The following NTM variants were observed in gnomAD, a reference collection of about 807,000 sequenced individuals.
NTM encodes the protein IgLON family member 2.
In NTM, 13 loss-of-function variants were observed where a neutral mutation model predicts 42.1. The ratio of observed to expected loss-of-function variants is 0.31; its 90% CI spans 0.20 to 0.49. The LOEUF is 0.49. Ranked by LOEUF, NTM falls within the 20% of genes least tolerant of loss-of-function variation. NTM has a pLI of 0.99. For missense variants in NTM, 373 were observed against 452.8 expected, an observed-to-expected ratio of 0.82 and a Z score of 1.60; for synonymous variants, 187 against 179.2, an observed-to-expected ratio of 1.04 and a Z score of -0.35.
chr11:131,886,231 T>C (rs1483295740), intron 1 of NTM, among the ~76,000 whole-genome samples: 5 of 152,178 alleles, frequency 3.3e-5, no homozygotes, highest in African/African-American at 4.8e-5. Context: ...TGCATCTGTT[T>C]GTAATGGTTC....
At chr11:132,095,039 T>C (rs2060795189) in intron 2 of NTM, among the ~76,000 whole-genome samples, 1 of 152,196 alleles carries the variant, frequency 6.6e-6, no homozygotes, top group Admixed American at 6.5e-5. Context: ...ATTCCTCATG[T>C]GAGCCAGAGG....
At chr11:132,237,011 C>T (rs2089114807) in intron 4 of NTM, among the ~76,000 whole-genome samples, 1 of 147,496 alleles carries the variant, frequency 6.8e-6, no homozygotes, top group Non-Finnish European at 1.5e-5. Flanking sequence ...GAGAGGACCC[C>T]AGTCCTCCAC....
At chr11:131,541,633 G>A (rs894023085) in intron 1 of NTM, among the ~76,000 whole-genome samples, 1 of 152,214 alleles carries the variant, frequency 6.6e-6, no homozygotes, top group Non-Finnish European at 1.5e-5. Context: ...TAGAATAGTT[G>A]CTAGATTGTG....
At chr11:132,284,326 T>TAG (rs1478871204) in intron 4 of NTM, 2 of 152,396 alleles carry the variant, frequency 1.3e-5, no homozygotes, top group East Asian at 3.9e-4. Flanking sequence ...CTGGTTGATT[T>TAG]CTGGGAGGGC....
intron 2 of NTM, among the ~76,000 whole-genome samples, chr11:131,990,351 G>A (rs148171183): frequency 5.9e-5 from 9 of 152,236 alleles, no homozygotes; most frequent in Admixed American, 5.9e-4. Flanking sequence ...AGTAGAGGAT[G>A]CTAGAGAATT....
At chr11:131,779,936 G>A (rs911557742) in intron 1 of NTM, among the ~76,000 whole-genome samples, 2 of 152,252 alleles carry the variant, frequency 1.3e-5, no homozygotes, top group East Asian at 1.9e-4. Context: ...GGAACAGCAC[G>A]GGTGTCACCA....
At chr11:131,490,550 C>A (rs1466480652) in intron 1 of NTM, among the ~76,000 whole-genome samples, 1 of 152,144 alleles carries the variant, frequency 6.6e-6, no homozygotes, top group Admixed American at 6.5e-5. Context: ...GGGTGCGCCT[C>A]TGAAGTTGAA....
At chr11:132,008,979 C>A (rs1331139563) in intron 2 of NTM, among the ~76,000 whole-genome samples, 1 of 151,740 alleles carries the variant, frequency 6.6e-6, no homozygotes, top group Non-Finnish European at 1.5e-5. Flanking sequence ...CAGCAGGACA[C>A]CAAGGCAGAA....
chr11:132,038,218 T>G (rs530289608), intron 2 of NTM, among the ~76,000 whole-genome samples: 80 of 152,338 alleles, frequency 5.3e-4, no homozygotes, highest in Non-Finnish European at 9.3e-4. Flanking sequence ...GAATTTGTTT[T>G]CTCTAGGGGT....
intron 3 of NTM, among the ~76,000 whole-genome samples, chr11:132,179,689 G>A (rs61905990): frequency 0.033 from 5,018 of 152,258 alleles, 128 homozygotes; most frequent in African/African-American, 0.064. Flanking sequence ...TAGTAATTCA[G>A]GGGAACAGTG....
intron 1 of NTM, among the ~76,000 whole-genome samples, chr11:131,378,792 C>T (rs1942286835): frequency 6.6e-6 from 1 of 152,198 alleles, no homozygotes; most frequent in African/African-American, 2.4e-5. Flanking sequence ...TTACATATTT[C>T]TCTTCTACCT....
At chr11:131,918,469 A>G (rs1339934949) in intron 2 of NTM, among the ~76,000 whole-genome samples, 1 of 152,168 alleles carries the variant, frequency 6.6e-6, no homozygotes, top group African/African-American at 2.4e-5. Flanking sequence ...ATCCTCACAG[A>G]TACTCCATCA....
intron 1 of NTM, among the ~76,000 whole-genome samples, chr11:131,752,662 G>A (rs986322156): frequency 5.9e-5 from 9 of 152,102 alleles, no homozygotes; most frequent in Admixed American, 2.0e-4. Context: ...ATGATAGACT[G>A]GATTAAGAAA....
intron 1 of NTM, among the ~76,000 whole-genome samples, chr11:131,499,001 G>C (rs1203385655): frequency 6.6e-6 from 1 of 151,930 alleles, no homozygotes; most frequent in Non-Finnish European, 1.5e-5. Context: ...GCATCACTTG[G>C]CCAAGCATCC....
chr11:131,766,281 C>T (rs1028089400), intron 1 of NTM, among the ~76,000 whole-genome samples: 4 of 152,134 alleles, frequency 2.6e-5, no homozygotes, highest in African/African-American at 9.7e-5. Context: ...AGTTGATGAC[C>T]AGCATCCAAG....
chr11:131,956,590 C>T (rs927239141), intron 2 of NTM, among the ~76,000 whole-genome samples: 4 of 151,166 alleles, frequency 2.6e-5, no homozygotes, highest in Admixed American at 2.0e-4. Flanking sequence ...TTCCTTTCAT[C>T]GGTGTCTCGG....
At chr11:132,327,827 C>T (rs899138842) in intron 7 of NTM, among the ~76,000 whole-genome samples, 8 of 151,164 alleles carry the variant, frequency 5.3e-5, no homozygotes, top group Non-Finnish European at 7.4e-5. Flanking sequence ...CCCTCCCTCC[C>T]TCCCTTCCTT....
intron 2 of NTM, among the ~76,000 whole-genome samples, chr11:131,951,004 T>C (rs983477340): frequency 2.1e-5 from 3 of 145,946 alleles, no homozygotes; most frequent in Non-Finnish European, 4.4e-5. Context: ...TTGGTAATTG[T>C]TTTTTTTTAA....
At chr11:132,139,442 A>G (rs1345100245) in intron 2 of NTM, among the ~76,000 whole-genome samples, 1 of 152,252 alleles carries the variant, frequency 6.6e-6, no homozygotes, top group Non-Finnish European at 1.5e-5. Context: ...GGTACAAATC[A>G]AAGTGTTGTG....
Sources: allele counts gnomAD v4.1 joint callset (sites outside exome capture counted in the v4.1 genomes callset), GRCh38; gene constraint gnomAD v4.1.1; transcripts MANE v1.5; gene names NCBI Gene and HGNC (gene_info 2026-07-23, HGNC 2026-07-21).